The following DENND4A variants were observed in gnomAD, a reference collection of about 807,000 sequenced individuals.
The protein encoded by DENND4A is C-myc promoter-binding protein.
A neutral mutation model predicts 199.3 loss-of-function variants in DENND4A; 70 were observed. The observed-to-expected ratio is 0.35, with a 90% CI of 0.29 to 0.43. The LOEUF (loss-of-function observed/expected upper bound fraction) is 0.43, where lower values mean the gene tolerates loss of function less well. Ranked by LOEUF, DENND4A falls within the 20% of genes least tolerant of loss-of-function variation. DENND4A has a pLI of 1.00. For missense variants in DENND4A, 1,723 were observed against 2,255.8 expected, an observed-to-expected ratio of 0.76 and a Z score of 4.78; for synonymous variants, 686 against 766.9, an observed-to-expected ratio of 0.89 and a Z score of 1.74.
At chr15:65,712,149 T>C (rs1012352686) in intron 14 of DENND4A, among the ~76,000 whole-genome samples, 2 of 152,216 alleles carry the variant, frequency 1.3e-5, no homozygotes, top group Admixed American at 6.5e-5. Flanking sequence ...TATTTCTGGA[T>C]ACTTTGATTT....
rs563022059 is a variant in DENND4A at position 65,659,246 on chromosome 15, T to A, written c.*2605A>T. The A allele has an allele frequency of 6.6e-6, 1 of 151,824 alleles. No homozygotes were observed. The highest frequency in any genetic ancestry group is 1.5e-5 in the Non-Finnish European group (1 of 67,950). 9.4% of individuals were successfully genotyped at this position (151,824 alleles called of 1,614,324 possible). A position where few individuals can be genotyped will look rare whatever the true frequency, so the allele number is the denominator to read the frequency against. On this transcript the variant is annotated 3_prime_UTR_variant, in exon 33 of 33. Coordinates refer to ENST00000443035, the MANE Select transcript of DENND4A (RefSeq NM_001320835.1). ...TTCTCTCCAACATGATTGGCCATTA[T>A]TCTCCAAAATGTATGGTTAACAGAA...
intron 4 of DENND4A, among the ~76,000 whole-genome samples, chr15:65,742,450 AT>A (rs772887480): frequency 0.01 from 1,352 of 134,262 alleles, 8 homozygotes; most frequent in African/African-American, 0.023. Context: ...TGACTGGCTG[AT>A]TTTTTTTTTT....
At chr15:65,684,227 G>A (rs879477140) in intron 23 of DENND4A, among the ~76,000 whole-genome samples, 9 of 152,160 alleles carry the variant, frequency 5.9e-5, no homozygotes, top group African/African-American at 2.2e-4. Flanking sequence ...CTCTTGGGTA[G>A]ATTATTTAGA....
intron 4 of DENND4A, among the ~76,000 whole-genome samples, chr15:65,742,572 ACATGCCAC>A (rs2076288903): frequency 6.6e-6 from 1 of 152,064 alleles, no homozygotes; most frequent in Non-Finnish European, 1.5e-5. Flanking sequence ...GATTACAGGA[ACATGCCAC>A]CATGCCCGGC....
chr15:65,699,553 A>T (rs892965478), intron 20 of DENND4A, among the ~76,000 whole-genome samples: 2 of 150,698 alleles, frequency 1.3e-5, no homozygotes, highest in African/African-American at 4.9e-5. Flanking sequence ...CATACACATA[A>T]GATATATAAT....
intron 22 of DENND4A, 56 bp downstream of exon 22, chr15:65,696,310 T>G: frequency 6.4e-7 from 1 of 1,557,212 alleles, no homozygotes; most frequent in Non-Finnish European, 8.7e-7. Context: ...AAGTATTCAC[T>G]AGTCATACAG....
chr15:65,755,296 T>C (rs891201918), intron 3 of DENND4A, among the ~76,000 whole-genome samples: 3 of 152,230 alleles, frequency 2.0e-5, no homozygotes, highest in African/African-American at 7.2e-5. Context: ...AAAAATGTCA[T>C]AGAATTTATT....
intron 7 of DENND4A, among the ~76,000 whole-genome samples, chr15:65,737,048 T>C (rs2076139100): frequency 6.6e-6 from 1 of 152,216 alleles, no homozygotes; most frequent in African/African-American, 2.4e-5. Flanking sequence ...ACATTCATTA[T>C]ATGTAAATAC....
At chr15:65,758,064 G>A (rs1189083587) in intron 2 of DENND4A, among the ~76,000 whole-genome samples, 2 of 152,008 alleles carry the variant, frequency 1.3e-5, no homozygotes, top group Non-Finnish European at 2.9e-5. Flanking sequence ...CTCAACCCAG[G>A]TTTTCCACAG....
At chr15:65,696,188 T>C (rs2077138370) in intron 22 of DENND4A, 178 bp downstream of exon 22, 1 of 672,994 alleles carries the variant, frequency 1.5e-6, no homozygotes, top group South Asian at 2.1e-5. Flanking sequence ...TAATACAAGC[T>C]TGAACACAGC....
intron 24 of DENND4A, among the ~76,000 whole-genome samples, chr15:65,675,347 T>G (rs2076341425): frequency 6.6e-6 from 1 of 152,054 alleles, no homozygotes; most frequent in African/African-American, 2.4e-5. Context: ...AAAACACTGG[T>G]GGATTCTTTT....
intron 1 of DENND4A, among the ~76,000 whole-genome samples, chr15:65,768,027 G>A (rs2077029300): frequency 6.6e-6 from 1 of 152,184 alleles, no homozygotes; most frequent in Non-Finnish European, 1.5e-5. Context: ...AGAGAAATAT[G>A]TAACCACTGG....
intron 7 of DENND4A, 59 bp downstream of exon 7, chr15:65,737,648 C>G: frequency 6.7e-7 from 1 of 1,496,294 alleles, no homozygotes; most frequent in Non-Finnish European, 8.9e-7. Context: ...GTTGCCGACA[C>G]AAATTTGCCA....
At chr15:65,767,222 G>C (rs924018619) in intron 1 of DENND4A, 4 of 152,196 alleles carry the variant, frequency 2.6e-5, no homozygotes, top group Non-Finnish European at 4.4e-5. Flanking sequence ...AAGGTCCTTA[G>C]AGATATTGTT....
At position 65,669,923 on chromosome 15, in the gene DENND4A, T is replaced by C. The variant is rs765266078; in HGVS notation, c.4643A>G (p.Tyr1548Cys). The change falls in exon 27 of 33, where the codon TAC (tyrosine) becomes TGC (cysteine). Residue 1548 changes from tyrosine to cysteine, a missense_variant and splice_region_variant. Transcript: ENST00000443035. ...TGTTGATGGGCTTGACTTTAGAAAGTATCTGTAATGTGAATCGAAGGAACT... is the reference window on the plus strand; with the variant it reads ...TGTTGATGGGCTTGACTTTAGAAAGCATCTGTAATGTGAATCGAAGGAACT... ...EIRDLRRPGR[Y>C]FLKSSPSTEN... 3.5e-5 allele frequency: 57 copies of C among 1,613,540 alleles called. No individual in the cohort carries two copies. In the South Asian group the frequency reaches 5.3e-4, roughly 15 times the overall value.
intron 25 of DENND4A, among the ~76,000 whole-genome samples, chr15:65,671,166 A>G (rs1478827686): frequency 2.0e-5 from 3 of 152,204 alleles, no homozygotes; most frequent in Admixed American, 2.0e-4. Context: ...ATGTGAAATA[A>G]ACACTCAAAG....
intron 4 of DENND4A, among the ~76,000 whole-genome samples, chr15:65,742,701 A>G (rs1172649842): frequency 6.6e-6 from 1 of 152,160 alleles, no homozygotes; most frequent in Non-Finnish European, 1.5e-5. Flanking sequence ...GGCCTCCCAA[A>G]GTGTTGGGAT....
intron 1 of DENND4A, among the ~76,000 whole-genome samples, chr15:65,784,832 T>C (rs2077525040): frequency 6.6e-6 from 1 of 152,022 alleles, no homozygotes. Flanking sequence ...AGCAAAACTG[T>C]GGTACTAATT....
rs1465386732 is a variant in DENND4A at position 65,669,365 on chromosome 15, A to G, written c.4787+414T>C. On this transcript the variant is annotated intron_variant, in intron 27 of 32. Coordinates refer to ENST00000443035, the MANE Select transcript of DENND4A (RefSeq NM_001320835.1). ...ATTTTAGTTTAATTTCGCAGTTCCT[A>G]TATCAGCTCCAAATGTTTTCTTAGA... Among the ~76,000 whole-genome samples the G allele has an allele frequency of 3.9e-5, 6 of 152,234 alleles. No homozygotes were observed. In the South Asian group the frequency reaches 6.2e-4, roughly 16 times the overall value.
Sources: allele counts gnomAD v4.1 joint callset (sites outside exome capture counted in the v4.1 genomes callset), GRCh38; gene constraint gnomAD v4.1.1; transcripts MANE v1.5; gene names NCBI Gene and HGNC (gene_info 2026-07-23, HGNC 2026-07-21).